FGF10: variants seen among roughly 807,000 people sequenced by gnomAD.
FGF10 encodes the protein FGF-10.
A neutral mutation model predicts 19.8 loss-of-function variants in FGF10; 2 were observed. The ratio of observed to expected loss-of-function variants is 0.10; its 90% CI spans 0.04 to 0.32. FGF10 has a LOEUF of 0.32. Among genes scored for constraint, FGF10 ranks in the 10% least tolerant of loss-of-function variants. FGF10 has a pLI of 1.00. For synonymous variants in FGF10, 112 were observed against 94.0 expected (o/e 1.19, Z -1.10); for missense variants, 191 against 246.3 (o/e 0.78, Z 1.50).
At chr5:44,319,298 G>A (rs1449934935) in intron 1 of FGF10, among the ~76,000 whole-genome samples, 3 of 152,110 alleles carry the variant, frequency 2.0e-5, no homozygotes, top group African/African-American at 7.2e-5. Flanking sequence ...TGTTAATATA[G>A]ACATTTACCC....
In FGF10 at chr5:44,318,562, G is replaced by A. The variant is rs1579900648; in HGVS notation, c.326-8032C>T. On this transcript the variant is annotated intron_variant, in intron 1 of 2. Transcript: ENST00000264664. ...TGGTTTGTGTCTTCTCGCGAGCATT[G>A]GAAGGACAGAAAGTCTGCCAGTCTG... Among the ~76,000 whole-genome samples, 3 of 152,186 alleles carry A rather than the reference G, an allele frequency of 2.0e-5. No homozygotes were observed. The South Asian group carries it at 6.2e-4, about 32-fold the overall frequency.
chr5:44,341,802 C>T (rs763861088), intron 1 of FGF10, among the ~76,000 whole-genome samples: 3 of 151,936 alleles, frequency 2.0e-5, no homozygotes, highest in Admixed American at 6.6e-5. Flanking sequence ...TCAGACAGAG[C>T]TGAACCAGGT....
intron 1 of FGF10, among the ~76,000 whole-genome samples, chr5:44,316,702 TAAAC>T (rs1470255298): frequency 1.3e-5 from 2 of 152,182 alleles, no homozygotes; most frequent in African/African-American, 4.8e-5. Flanking sequence ...AGAAAAATTT[TAAAC>T]AATGTGGAAA....
Position 44,302,756 on chromosome 5 carries a change from A to G in FGF10, c.*2239T>C, listed in dbSNP as rs1321536428. Among the ~76,000 whole-genome samples the G allele has an allele frequency of 6.6e-6, 1 of 151,018 alleles. No homozygotes were observed. The highest frequency in any genetic ancestry group is 1.5e-5 in the Non-Finnish European group (1 of 67,220). On this transcript the variant is annotated 3_prime_UTR_variant, in exon 3 of 3. Coordinates refer to ENST00000264664, the MANE Select transcript of FGF10 (RefSeq NM_004465.2). ...GCAAGCTTTAATATATTTTGCTAGA[A>G]GCTGTTTTAGTGTCTTGAGTACTAT...
intron 1 of FGF10, among the ~76,000 whole-genome samples, chr5:44,345,630 G>T (rs1180989658): frequency 1.4e-5 from 1 of 70,138 alleles, no homozygotes. Flanking sequence ...CCCTTTCTCA[G>T]CTCAAAAAAA....
At chr5:44,331,773 G>A (rs142812539) in intron 1 of FGF10, among the ~76,000 whole-genome samples, 3 of 152,022 alleles carry the variant, frequency 2.0e-5, no homozygotes, top group African/African-American at 4.8e-5. Context: ...GTTACCAGCC[G>A]GCTGTTAATA....
At chr5:44,352,366 A>G (rs1027616828) in intron 1 of FGF10, among the ~76,000 whole-genome samples, 2 of 151,572 alleles carry the variant, frequency 1.3e-5, no homozygotes, top group African/African-American at 4.8e-5. Context: ...GGGGACACCA[A>G]TACAGAGGTA....
Position 44,302,582 on chromosome 5 carries a change from T to A in FGF10, c.*2413A>T, listed in dbSNP as rs1739990306. On this transcript the variant is annotated 3_prime_UTR_variant, in exon 3 of 3. Coordinates refer to ENST00000264664, the MANE Select transcript of FGF10 (RefSeq NM_004465.2). ...GATGTCTCACTAGGTTTCTCAGGCC[T>A]GTCTAGAACTCCTGGACTCAAGCCA... 6.6e-6 allele frequency among the ~76,000 whole-genome samples: 1 copy of A among 152,026 alleles called. No individual in the cohort carries two copies. The highest frequency in any genetic ancestry group is 2.1e-4 in the South Asian group (1 of 4,832).
intron 1 of FGF10, among the ~76,000 whole-genome samples, chr5:44,360,096 A>G (rs1263628563): frequency 1.3e-5 from 2 of 151,498 alleles, no homozygotes; most frequent in African/African-American, 4.8e-5. Flanking sequence ...TATTCATTCA[A>G]TGCTTTGGTT....
intron 1 of FGF10, among the ~76,000 whole-genome samples, chr5:44,320,529 C>G (rs908161432): frequency 2.0e-5 from 3 of 152,142 alleles, no homozygotes; most frequent in Admixed American, 1.3e-4. Context: ...AAGAAAATAA[C>G]AAGAGTCCCA....
chr5:44,372,071 C>A (rs1351970867), intron 1 of FGF10, among the ~76,000 whole-genome samples: 8 of 152,104 alleles, frequency 5.3e-5, no homozygotes, highest in Non-Finnish European at 1.5e-5. Flanking sequence ...TGGCTTAAAG[C>A]AACGGAAATT....
At chr5:44,340,423 A>C (rs1740943096) in intron 1 of FGF10, among the ~76,000 whole-genome samples, 1 of 152,126 alleles carries the variant, frequency 6.6e-6, no homozygotes, top group Admixed American at 6.6e-5. Flanking sequence ...AAGATACAGC[A>C]CCAACCTAAT....
intron 1 of FGF10, among the ~76,000 whole-genome samples, chr5:44,370,537 T>G (rs1013908801): frequency 2.6e-5 from 4 of 152,018 alleles, no homozygotes; most frequent in African/African-American, 7.2e-5. Context: ...CCATCATCTC[T>G]CTTCTCAAAT....
rs538650287 is a variant in FGF10, at chr5:44,322,802, G to C, written c.326-12272C>G. Among the ~76,000 whole-genome samples, 279 of 151,258 alleles carry C rather than the reference G, an allele frequency of 1.8e-3. 1 individual carries two copies. Among genetic ancestry groups the C allele is most frequent in the African/African-American group, 6.5e-3 (269 of 41,176 alleles). ...CTAGTTGCAGGAAAACAAGCTCAGG[G>C]CTCCCACTGATTCTACATTATGGTG... On this transcript the variant is annotated intron_variant, in intron 1 of 2. Transcript: ENST00000264664.
intron 1 of FGF10, among the ~76,000 whole-genome samples, chr5:44,379,373 C>T (rs188843279): frequency 3.9e-5 from 6 of 152,240 alleles, no homozygotes; most frequent in Admixed American, 6.5e-5. Context: ...AATGAATATA[C>T]GATCTCATTT....
chr5:44,369,342 C>A (rs535767406), intron 1 of FGF10, among the ~76,000 whole-genome samples: 1 of 152,016 alleles, frequency 6.6e-6, no homozygotes, highest in East Asian at 1.9e-4. Flanking sequence ...TATAGAATCT[C>A]GTCAATATTC....
At chr5:44,333,652 C>T (rs1740786793) in intron 1 of FGF10, among the ~76,000 whole-genome samples, 1 of 152,044 alleles carries the variant, frequency 6.6e-6, no homozygotes, top group African/African-American at 2.4e-5. Context: ...GACATCAAAC[C>T]TTAACCACTG....
chr5:44,376,874 A>G (rs868450124), intron 1 of FGF10, among the ~76,000 whole-genome samples: 1 of 152,020 alleles, frequency 6.6e-6, no homozygotes, highest in South Asian at 2.1e-4. Context: ...TTTACTTCAA[A>G]AAGTAAAAAT....
intron 1 of FGF10, among the ~76,000 whole-genome samples, chr5:44,356,487 C>A (rs1741350771): frequency 6.6e-6 from 1 of 151,404 alleles, no homozygotes; most frequent in African/African-American, 2.4e-5. Context: ...TGGATAATGA[C>A]AATTTCATCT....
Sources: allele counts gnomAD v4.1 joint callset (sites outside exome capture counted in the v4.1 genomes callset), GRCh38; gene constraint gnomAD v4.1.1; transcripts MANE v1.5; gene names NCBI Gene and HGNC (gene_info 2026-07-23, HGNC 2026-07-21).